Variants in CADPS observed in about 807,000 individuals in gnomAD.
CADPS encodes calcium-dependent secretion activator 1.
A neutral mutation model predicts 167.3 loss-of-function variants in CADPS; 57 were observed. The observed-to-expected ratio is 0.34, with a 90% confidence interval of 0.28 to 0.42. CADPS has a LOEUF of 0.42. Ranked by LOEUF, CADPS falls within the 20% of genes least tolerant of loss-of-function variation. The pLI is 1.00. For missense variants in CADPS, 1,414 were observed against 1,738.1 expected, an observed-to-expected ratio of 0.81 and a Z score of 3.32; for synonymous variants, 676 against 635.3, an observed-to-expected ratio of 1.06 and a Z score of -0.96.
intron 28 of CADPS, among the ~76,000 whole-genome samples, chr3:62,408,315 T>A (rs1322654266): frequency 5.3e-5 from 8 of 152,228 alleles, no homozygotes; most frequent in Admixed American, 5.2e-4. Flanking sequence ...CATCATGGAT[T>A]TTTTGCACTA....
chr3:62,795,755 C>G (rs2093360713), intron 1 of CADPS, among the ~76,000 whole-genome samples: 1 of 152,184 alleles, frequency 6.6e-6, no homozygotes, highest in South Asian at 2.1e-4. Context: ...AACCTTCTGT[C>G]TACTACTGGT....
intron 3 of CADPS, among the ~76,000 whole-genome samples, chr3:62,708,405 C>T (rs1564125148): frequency 6.6e-6 from 1 of 151,998 alleles, no homozygotes; most frequent in Admixed American, 6.6e-5. Flanking sequence ...TAAGTATATG[C>T]AAACCCTTAA....
intron 4 of CADPS, among the ~76,000 whole-genome samples, chr3:62,658,538 T>C (rs2072311569): frequency 6.6e-6 from 1 of 152,120 alleles, no homozygotes; most frequent in African/African-American, 2.4e-5. Context: ...ATCTGTGAAA[T>C]GGGGATAATA....
At chr3:62,564,607 CTT>C (rs11351162) in intron 9 of CADPS, among the ~76,000 whole-genome samples, 10,587 of 127,362 alleles carry the variant, frequency 0.083, 377 homozygotes, top group Non-Finnish European at 0.11. Context: ...AACCAGAAAT[CTT>C]TTTTTTTTTT....
At chr3:62,599,413 T>C (rs535232729) in intron 6 of CADPS, among the ~76,000 whole-genome samples, 8 of 145,378 alleles carry the variant, frequency 5.5e-5, no homozygotes, top group Non-Finnish European at 1.0e-4. Flanking sequence ...ATCACAGAAT[T>C]GGGCTTCAAA....
At chr3:62,589,301 G>C (rs1300401617) in intron 7 of CADPS, among the ~76,000 whole-genome samples, 4 of 152,242 alleles carry the variant, frequency 2.6e-5, no homozygotes, top group South Asian at 2.1e-4. Flanking sequence ...AGGGTGTCCA[G>C]CCAGCACAAG....
chr3:62,763,401 C>A (rs2152489257), intron 2 of CADPS, among the ~76,000 whole-genome samples: 1 of 152,306 alleles, frequency 6.6e-6, no homozygotes, highest in Admixed American at 6.5e-5. Flanking sequence ...GGGAAGATAC[C>A]CATCCCGCTG....
chr3:62,664,601 G>T (rs1395074522), intron 3 of CADPS, among the ~76,000 whole-genome samples: 1 of 152,232 alleles, frequency 6.6e-6, no homozygotes, highest in Admixed American at 6.5e-5. Context: ...ACTCAGAAAT[G>T]TCTTGTTCAA....
intron 18 of CADPS, chr3:62,498,113 C>G: frequency 2.2e-6 from 1 of 456,550 alleles, no homozygotes; most frequent in Non-Finnish European, 4.4e-6. Context: ...AGTATGACAG[C>G]AGGTGGCTGG....
intron 10 of CADPS, among the ~76,000 whole-genome samples, chr3:62,556,683 T>G (rs930269447): frequency 1.3e-5 from 2 of 152,052 alleles, no homozygotes; most frequent in Admixed American, 6.6e-5. Flanking sequence ...ATTCATTTTT[T>G]TTTTCTGGGA....
intron 3 of CADPS, among the ~76,000 whole-genome samples, chr3:62,720,420 C>T (rs543664776): frequency 6.6e-6 from 1 of 151,806 alleles, no homozygotes; most frequent in East Asian, 1.9e-4. Flanking sequence ...ACTCCTGGGA[C>T]TTCTAGCCTC....
Position 62,457,986 on chromosome 3 carries a change from C to T in CADPS, c.3636+7381G>A, listed in dbSNP as rs557807857. Among the ~76,000 whole-genome samples, 31 of 152,182 alleles carry T rather than the reference C, an allele frequency of 2.0e-4. 3 individuals are homozygous for T. Among genetic ancestry groups the T allele is most frequent in the South Asian group, 1.5e-3 (7 of 4,824 alleles). On this transcript the variant is annotated intron_variant, in intron 26 of 29. Coordinates refer to ENST00000383710, the MANE Select transcript of CADPS (RefSeq NM_003716.4). ...TAGAAGAAATACCTAATGTAGATGA[C>T]GGGTTGATGGGTGCAGCAAACCACC...
chr3:62,714,399 C>T (rs1158427956), intron 3 of CADPS, among the ~76,000 whole-genome samples: 1 of 152,134 alleles, frequency 6.6e-6, no homozygotes, highest in Non-Finnish European at 1.5e-5. Context: ...ATACTCTTCC[C>T]TTCCACTTAC....
chr3:62,515,159 T>C (rs2068686051), intron 16 of CADPS, among the ~76,000 whole-genome samples: 1 of 152,084 alleles, frequency 6.6e-6, no homozygotes, highest in Non-Finnish European at 1.5e-5. Context: ...CCAGTTGTCT[T>C]GAGGCAGACA....
intron 1 of CADPS, among the ~76,000 whole-genome samples, chr3:62,767,579 T>G (rs2087250233): frequency 6.6e-6 from 1 of 152,178 alleles, no homozygotes; most frequent in South Asian, 2.1e-4. Context: ...TTTGACTCAG[T>G]CAAGAAACAA....
At chr3:62,664,459 G>A (rs1042783341) in intron 3 of CADPS, among the ~76,000 whole-genome samples, 1 of 152,210 alleles carries the variant, frequency 6.6e-6, no homozygotes, top group Non-Finnish European at 1.5e-5. Flanking sequence ...ATAACCACTT[G>A]TTGACAGGCA....
At chr3:62,546,559 C>G (rs1014118374) in intron 11 of CADPS, among the ~76,000 whole-genome samples, 2 of 152,110 alleles carry the variant, frequency 1.3e-5, no homozygotes, top group African/African-American at 4.8e-5. Context: ...TGGCTTACTC[C>G]ACTAACAATT....
rs765521248 is a variant in CADPS at position 62,753,788 on chromosome 3, G to C, written c.556-15C>G. On this transcript the variant is annotated splice_polypyrimidine_tract_variant and intron_variant, in intron 2 of 29. Transcript: ENST00000383710. The surrounding 1 kb of genome is among the most constrained non-coding windows in gnomAD (Gnocchi z 4.6). ...TTCAGGAACACCTGAGCAAGAACAAGGCCAGGAAAGACAGTAGGAGAGTTT... is the reference window on the plus strand; with the variant it reads ...TTCAGGAACACCTGAGCAAGAACAACGCCAGGAAAGACAGTAGGAGAGTTT... 33 of 1,602,458 alleles carry C rather than the reference G, an allele frequency of 2.1e-5. No individual in the cohort carries two copies. Among genetic ancestry groups the C allele is most frequent in the Non-Finnish European group, 2.7e-5 (32 of 1,173,314 alleles).
chr3:62,474,153 A>AGTTTTTTTTTTTTTT lies in CADPS; in HGVS notation c.3477+19_3477+20insAAAAAAAAAAAAAAC. ...AATGAAGAGGGAAAAAAAAATCTGT[A>AGTTTTTTTTTTTTTT]TTTTTTTTTTTTTTTTTACCTCTTG... On this transcript the variant is annotated intron_variant, in intron 24 of 29. Transcript: ENST00000383710. The AGTTTTTTTTTTTTTT allele has an allele frequency of 1.4e-6, 1 of 735,996 alleles. No homozygotes were observed. The highest frequency in any genetic ancestry group is 2.8e-5 in the South Asian group (1 of 35,430). 45.6% of individuals were successfully genotyped at this position (735,996 alleles called of 1,614,324 possible).
Sources: gnomAD v4.1 joint callset for allele counts (sites outside exome capture counted in the v4.1 genomes callset) on GRCh38, gnomAD v4.1.1 for gene constraint, Gnocchi (gnomAD v3.1) non-coding constraint, MANE v1.5 for transcripts, NCBI Gene and HGNC (gene_info 2026-07-23, HGNC 2026-07-21) for gene names.